Variants in TMEM255A observed in about 807,000 individuals in gnomAD.
TMEM255A encodes the protein transmembrane protein 255A.
In TMEM255A, 14 loss-of-function variants were observed where a neutral mutation model predicts 23.5. That is an observed-to-expected ratio of 0.60 (90% CI 0.39 to 0.93). The LOEUF (loss-of-function observed/expected upper bound fraction) is 0.93, where lower values mean the gene tolerates loss of function less well. Ranked by LOEUF, TMEM255A falls within the 40% of genes least tolerant of loss-of-function variation. The pLI is 0.00. For missense variants in TMEM255A, 233 were observed against 261.7 expected (o/e 0.89, Z 0.76); for synonymous variants, 104 against 100.3 (o/e 1.04, Z -0.22).
At chrX:120,251,791 G>A in the TMEM255A span, among the ~76,000 whole-genome samples, 30 of 112,064 alleles carry the variant, frequency 2.7e-4, no homozygotes, top group Middle Eastern at 4.6e-3. Flanking sequence ...CTGTCTCTGG[G>A]GCCACCCTGA....
intron 1 of TMEM255A, among the ~76,000 whole-genome samples, chrX:120,307,240 A>G (rs1556027292): frequency 8.9e-6 from 1 of 111,997 alleles, no homozygotes; most frequent in Non-Finnish European, 1.9e-5. Context: ...AGCAAGATAT[A>G]CCCATTTTCT....
At chrX:120,272,345 T>C (rs1000053298) in intron 7 of TMEM255A, among the ~76,000 whole-genome samples, 5 of 111,734 alleles carry the variant, frequency 4.5e-5, no homozygotes, top group Admixed American at 9.4e-5. Context: ...CCTTAGGGTA[T>C]GGGAAACTGA....
chrX:120,268,102 C>T (rs2057729402), intron 8 of TMEM255A, 142 bp downstream of exon 8: 3 of 678,057 alleles, frequency 4.4e-6, no homozygotes, highest in Non-Finnish European at 6.3e-6. Flanking sequence ...CAACCACAGG[C>T]TGCTGGCCAT....
At chrX:120,286,585 T>C (rs192344179) in intron 5 of TMEM255A, among the ~76,000 whole-genome samples, 176 of 111,898 alleles carry the variant, frequency 1.6e-3, no homozygotes, top group African/African-American at 4.7e-3. Flanking sequence ...GAGACTCATC[T>C]GTGCATGCTC....
intron 1 of TMEM255A, among the ~76,000 whole-genome samples, chrX:120,307,037 G>A (rs1258175102): frequency 1.8e-5 from 2 of 111,898 alleles, no homozygotes; most frequent in Non-Finnish European, 3.8e-5. Context: ...GTCCCCTCAC[G>A]AGCGTCCTTC....
At chrX:120,254,280 T>TGGTG (rs1556014911), downstream of TMEM255A, 1 of 1,212,083 alleles carries the variant, frequency 8.3e-7, no homozygotes, top group Admixed American at 2.2e-5. Context: ...GACACCACTT[T>TGGTG]CTACACCACC....
chrX:120,280,728 T>C (rs1556020721), intron 6 of TMEM255A, among the ~76,000 whole-genome samples: 2 of 111,257 alleles, frequency 1.8e-5, no homozygotes, highest in Admixed American at 1.9e-4. Flanking sequence ...AGGGGAGTGT[T>C]CAAATTCCTC....
chrX:120,271,803 G>C (rs1556018847), intron 7 of TMEM255A, among the ~76,000 whole-genome samples: 1 of 110,792 alleles, frequency 9.0e-6, no homozygotes, highest in Non-Finnish European at 1.9e-5. Context: ...CCTTGAGCTT[G>C]GCAATAGATT....
At chrX:120,283,901 G>A (rs1556021296) in intron 6 of TMEM255A, among the ~76,000 whole-genome samples, 1 of 110,955 alleles carries the variant, frequency 9.0e-6, no homozygotes, top group Non-Finnish European at 1.9e-5. Flanking sequence ...TGGCCAATGA[G>A]CTCTCTATCA....
chrX:120,300,116 C>A (rs7055446), intron 2 of TMEM255A, among the ~76,000 whole-genome samples: 1 of 111,211 alleles, frequency 9.0e-6, no homozygotes, highest in African/African-American at 3.3e-5. Context: ...ATCCAGGGGA[C>A]CAACTCCATC....
chrX:120,301,347 A>G (rs953321952), intron 2 of TMEM255A, among the ~76,000 whole-genome samples: 2 of 112,540 alleles, frequency 1.8e-5, no homozygotes, highest in Admixed American at 1.9e-4. Flanking sequence ...TTGAAAATTT[A>G]AATTCTCATG....
At chrX:120,281,735 A>G (rs949577046) in intron 6 of TMEM255A, among the ~76,000 whole-genome samples, 2 of 112,237 alleles carry the variant, frequency 1.8e-5, no homozygotes, top group African/African-American at 6.5e-5. Flanking sequence ...AAATCACTTC[A>G]TTTCCTTTAG....
intron 6 of TMEM255A, among the ~76,000 whole-genome samples, chrX:120,282,630 G>T (rs987479743): frequency 1.2e-4 from 13 of 111,699 alleles, no homozygotes; most frequent in African/African-American, 3.9e-4. Context: ...CCCTTGGGGA[G>T]TGCATAGTTT....
chrX:120,296,901 AATATTATATAT>A (rs1424621536), intron 2 of TMEM255A, among the ~76,000 whole-genome samples: 18 of 1,547 alleles, frequency 0.012, 3 homozygotes, highest in African/African-American at 0.044. Flanking sequence ...TGATATATAT[AATATTATATAT>A]ATATTATATA....
At chrX:120,291,229 C>A (rs2057912566) in intron 4 of TMEM255A, 22 bp downstream of exon 4, 1 of 1,178,909 alleles carries the variant, frequency 8.5e-7, no homozygotes, top group Non-Finnish European at 1.2e-6. Flanking sequence ...TTTACTTTAA[C>A]TCAGGACGAA....
intron 3 of TMEM255A, 118 bp from the exon 4 acceptor site, chrX:120,291,458 G>A: frequency 1.7e-6 from 1 of 575,015 alleles, no homozygotes; most frequent in East Asian, 3.7e-5. Flanking sequence ...CCACCCCATG[G>A]GAATGCTCTT....
At chrX:120,270,865 C>T (rs1556018603) in intron 7 of TMEM255A, among the ~76,000 whole-genome samples, 1 of 111,451 alleles carries the variant, frequency 9.0e-6, no homozygotes, top group East Asian at 2.8e-4. Flanking sequence ...TCACCAACCA[C>T]ACTTGGATGT....
intron 8 of TMEM255A, 35 bp downstream of exon 8, chrX:120,268,209 G>A (rs782764112): frequency 8.4e-7 from 1 of 1,185,522 alleles, no homozygotes; most frequent in South Asian, 1.9e-5. Flanking sequence ...TGAGAACAAG[G>A]GTAATACAGA....
chrX:120,268,506 A>G (rs2057732432), intron 7 of TMEM255A, 119 bp from the exon 8 acceptor site: 1 of 491,542 alleles, frequency 2.0e-6, no homozygotes, highest in African/African-American at 2.4e-5. Context: ...AATGATGTGG[A>G]CCTATTTAGA....
Sources: gnomAD v4.1 joint callset for allele counts (sites outside exome capture counted in the v4.1 genomes callset) on GRCh38, gnomAD v4.1.1 for gene constraint, MANE v1.5 for transcripts, NCBI Gene and HGNC (gene_info 2026-07-23, HGNC 2026-07-21) for gene names.